The following TGFB2 variants were observed in gnomAD, a reference collection of about 807,000 sequenced individuals.
TGFB2 encodes transforming growth factor beta-2 proprotein.
Under a neutral mutation model 42.7 loss-of-function variants are expected in TGFB2, and 13 were observed. That is an observed-to-expected ratio of 0.30 (90% CI 0.20 to 0.48). The LOEUF is 0.48. TGFB2 is among the 20% of genes least tolerant of loss of function. The pLI is 0.99. For missense variants in TGFB2, 390 were observed against 517.5 expected (o/e 0.75, Z 2.39); for synonymous variants, 193 against 193.6 (o/e 1.00, Z 0.03).
At chr1:218,420,041 C>T (rs1659403393) in intron 2 of TGFB2, among the ~76,000 whole-genome samples, 2 of 152,098 alleles carry the variant, frequency 1.3e-5, no homozygotes, top group Non-Finnish European at 2.9e-5. Context: ...AGGTAGGAAT[C>T]AAGTTAGAAG....
At chr1:218,436,848 T>G (rs1403901346) in intron 5 of TGFB2, among the ~76,000 whole-genome samples, 2 of 152,242 alleles carry the variant, frequency 1.3e-5, no homozygotes, top group South Asian at 2.1e-4. Flanking sequence ...TGTTTCTTGA[T>G]CTCTGGTTCA....
intron 1 of TGFB2, among the ~76,000 whole-genome samples, chr1:218,366,319 T>G (rs1657385557): frequency 6.6e-6 from 1 of 152,100 alleles, no homozygotes; most frequent in African/African-American, 2.4e-5. Flanking sequence ...TCTCTTTTTT[T>G]AGAGACAGAG....
In TGFB2 at chr1:218,436,032, A is replaced by G. The variant is rs1467391590; in HGVS notation, c.817A>G (p.Lys273Glu). Residue 273 changes from lysine to glutamate, a missense_variant, in exon 5 of 7, where the codon AAA becomes GAA. Coordinates refer to ENST00000366930, the MANE Select transcript of TGFB2 (RefSeq NM_003238.6). ...GAAAACTATAAAGTCCACTAGGAAA[A>G]AAAACAGTGGGAAGACCCCACATCT... is the stretch of plus-strand genomic sequence containing the variant. Reference protein sequence around the residue: ...DQKTIKSTRKKNSGKTPHLLL... With the variant: ...DQKTIKSTRKENSGKTPHLLL... 1.9e-6 allele frequency: 3 copies of G among 1,614,036 alleles called. No homozygotes were observed. Among genetic ancestry groups the G allele is most frequent in the East Asian group, 2.2e-5 (1 of 44,886 alleles).
chr1:218,367,948 G>A (rs1313524771), intron 1 of TGFB2, among the ~76,000 whole-genome samples: 1 of 151,430 alleles, frequency 6.6e-6, no homozygotes, highest in Non-Finnish European at 1.5e-5. Context: ...GACTACAGCC[G>A]CACGCCGCCA....
chr1:218,443,718 T>G lies in TGFB2; in HGVS notation c.*2356T>G, dbSNP rs1002530949. Reference sequence around the variant, plus strand: ...AAGATCTCTTGAATCTGTTTTTTTTTTTTTTAATTTGGGGGTTCTGTAAGG... The same window carrying G: ...AAGATCTCTTGAATCTGTTTTTTTTGTTTTTAATTTGGGGGTTCTGTAAGG... On this transcript the variant is annotated 3_prime_UTR_variant, in exon 7 of 7. Transcript: ENST00000366930. 6.6e-6 allele frequency: 1 copy of G among 152,096 alleles called. No individual in the cohort carries two copies. The highest frequency in any genetic ancestry group is 2.4e-5 in the African/African-American group (1 of 41,422). 9.4% of individuals were successfully genotyped at this position (152,096 alleles called of 1,614,324 possible). A position where few individuals can be genotyped will look rare whatever the true frequency, so the allele number is the denominator to read the frequency against.
intron 2 of TGFB2, among the ~76,000 whole-genome samples, chr1:218,429,726 C>T (rs1659746340): frequency 6.6e-6 from 1 of 152,098 alleles, no homozygotes; most frequent in African/African-American, 2.4e-5. Context: ...GAAGACTTTC[C>T]AAGACAGTCA....
chr1:218,404,935 T>A (rs1024836952), intron 1 of TGFB2, among the ~76,000 whole-genome samples: 1 of 152,248 alleles, frequency 6.6e-6, no homozygotes, highest in Non-Finnish European at 1.5e-5. Flanking sequence ...TGCTTTCAAA[T>A]GGAGTTGGAA....
intron 1 of TGFB2, among the ~76,000 whole-genome samples, chr1:218,389,513 C>T (rs1167582591): frequency 6.6e-6 from 1 of 152,188 alleles, no homozygotes; most frequent in African/African-American, 2.4e-5. Context: ...CAGACAGCAG[C>T]ACAGCTTGCT....
chr1:218,441,055 C>G (rs1346336302), intron 6 of TGFB2, 149 bp from the exon 7 acceptor site: 1 of 676,476 alleles, frequency 1.5e-6, no homozygotes, highest in Non-Finnish European at 2.4e-6. Flanking sequence ...ATCAGTTTGA[C>G]TGTAATTTAG....
At chr1:218,433,831 T>C (rs1659883116) in intron 2 of TGFB2, among the ~76,000 whole-genome samples, 1 of 152,242 alleles carries the variant, frequency 6.6e-6, no homozygotes. Context: ...CACTTTCTTT[T>C]AGACACTTGG....
intron 1 of TGFB2, among the ~76,000 whole-genome samples, chr1:218,398,712 C>T (rs960367343): frequency 1.3e-5 from 2 of 151,980 alleles, no homozygotes; most frequent in Non-Finnish European, 2.9e-5. Flanking sequence ...CTCAGCCTCC[C>T]GAGTAGCTGG....
chr1:218,376,558 G>A (rs1657748095), intron 1 of TGFB2, among the ~76,000 whole-genome samples: 1 of 152,162 alleles, frequency 6.6e-6, no homozygotes, highest in Non-Finnish European at 1.5e-5. Flanking sequence ...TACAACCTAG[G>A]TTTAAGTGGA....
At chr1:218,370,679 A>C (rs1363810745) in intron 1 of TGFB2, among the ~76,000 whole-genome samples, 2 of 152,192 alleles carry the variant, frequency 1.3e-5, no homozygotes, top group Non-Finnish European at 2.9e-5. Context: ...TCGCACGTTC[A>C]TATAGATGGC....
At chr1:218,380,907 G>A (rs944287013) in intron 1 of TGFB2, among the ~76,000 whole-genome samples, 1 of 152,146 alleles carries the variant, frequency 6.6e-6, no homozygotes, top group Non-Finnish European at 1.5e-5. Flanking sequence ...CAAATGTTCT[G>A]CTTTCATGAG....
intron 1 of TGFB2, among the ~76,000 whole-genome samples, chr1:218,351,288 CTA>C (rs1392487760): frequency 6.6e-6 from 1 of 152,002 alleles, no homozygotes; most frequent in African/African-American, 2.4e-5. Flanking sequence ...TTAGGATTCT[CTA>C]TGTGTGTGTT....
intron 1 of TGFB2, among the ~76,000 whole-genome samples, chr1:218,372,322 G>A (rs1383175485): frequency 6.6e-6 from 1 of 152,120 alleles, no homozygotes; most frequent in Non-Finnish European, 1.5e-5. Context: ...AAATCTAAAT[G>A]GTCAGACCAT....
At chr1:218,378,424 G>A (rs1018956032) in intron 1 of TGFB2, among the ~76,000 whole-genome samples, 1 of 152,050 alleles carries the variant, frequency 6.6e-6, no homozygotes, top group Non-Finnish European at 1.5e-5. Flanking sequence ...TGATCCGCCC[G>A]CCTCGGCCTC....
intron 4 of TGFB2, among the ~76,000 whole-genome samples, chr1:218,434,810 C>A (rs1036810235): frequency 2.2e-4 from 33 of 152,102 alleles, no homozygotes; most frequent in Non-Finnish European, 4.4e-5. Flanking sequence ...CATTGATAAT[C>A]CCCCAAACCA....
chr1:218,360,969 C>T (rs1657189626), intron 1 of TGFB2, among the ~76,000 whole-genome samples: 2 of 152,174 alleles, frequency 1.3e-5, no homozygotes, highest in African/African-American at 4.8e-5. Context: ...ATTCTTCTAC[C>T]TTAGTCTCCT....
Sources: gnomAD v4.1 joint callset for allele counts (sites outside exome capture counted in the v4.1 genomes callset) on GRCh38, gnomAD v4.1.1 for gene constraint, MANE v1.5 for transcripts, NCBI Gene and HGNC (gene_info 2026-07-23, HGNC 2026-07-21) for gene names.